The following EGFR variants were observed in gnomAD, a reference collection of about 807,000 sequenced individuals.
EGFR encodes avian erythroblastic leukemia viral (v-erb-b) oncogene homolog.
Under a neutral mutation model 143.0 loss-of-function variants are expected in EGFR, and 58 were observed. That is an observed-to-expected ratio of 0.41 (90% CI 0.33 to 0.50). The LOEUF is 0.50. Among genes scored for constraint, EGFR ranks in the 20% least tolerant of loss-of-function variants. The pLI is 0.39. For missense variants in EGFR, 1,307 were observed against 1,579.0 expected (o/e 0.83, Z 2.92); for synonymous variants, 613 against 594.4 (o/e 1.03, Z -0.45).
chr7:55,117,583 T>C (rs1162726070), intron 1 of EGFR, among the ~76,000 whole-genome samples: 2 of 152,184 alleles, frequency 1.3e-5, no homozygotes, highest in African/African-American at 2.4e-5. Context: ...CCAGGGAACA[T>C]GGCCCTTTAA....
Position 55,146,637 on chromosome 7 carries a change from C to T in EGFR, c.456C>T (p.Asn152=), listed in dbSNP as rs2128929455. The T allele has an allele frequency of 6.2e-7, 1 of 1,614,108 alleles. No individual in the cohort carries two copies. ...EILHGAVRFS[N]NPALCNVESI... The stretch of plus-strand genomic sequence containing the variant: ...TGCATGGCGCCGTGCGGTTCAGCAA[C>T]AACCCTGCCCTGTGCAACGTGGAGA... Residue 152 remains asparagine (N), a synonymous_variant, in exon 4 of 28, where the codon AAC becomes AAT. Coordinates refer to ENST00000275493, the MANE Select transcript of EGFR (RefSeq NM_005228.5).
chr7:55,138,621 C>T (rs1323343362), intron 1 of EGFR, among the ~76,000 whole-genome samples: 1 of 152,144 alleles, frequency 6.6e-6, no homozygotes, highest in Non-Finnish European at 1.5e-5. Context: ...CATCCCCTAA[C>T]GTGGGTCCAG....
At chr7:55,020,547 T>C (rs553703511) in intron 1 of EGFR, among the ~76,000 whole-genome samples, 2 of 138,466 alleles carry the variant, frequency 1.4e-5, no homozygotes, top group South Asian at 4.7e-4. Context: ...AACCAAAATA[T>C]TAAACCTGTC....
At chr7:55,096,492 G>A (rs1273467573) in intron 1 of EGFR, among the ~76,000 whole-genome samples, 1 of 152,142 alleles carries the variant, frequency 6.6e-6, no homozygotes, top group Non-Finnish European at 1.5e-5. Flanking sequence ...TCAGGCGATG[G>A]GGATACGATG....
chr7:55,066,402 C>G (rs1449538171), intron 1 of EGFR, among the ~76,000 whole-genome samples: 1 of 151,406 alleles, frequency 6.6e-6, no homozygotes, highest in Non-Finnish European at 1.5e-5. Flanking sequence ...CTGGTGCAAG[C>G]AGAGGCGACA....
At chr7:55,029,787 C>A (rs1787147153) in intron 1 of EGFR, among the ~76,000 whole-genome samples, 1 of 152,102 alleles carries the variant, frequency 6.6e-6, no homozygotes, top group Non-Finnish European at 1.5e-5. Context: ...TCAGTTTCAC[C>A]TTCCATAAAA....
chr7:55,052,747 G>A lies in EGFR; in HGVS notation c.88+33382G>A, dbSNP rs181548483. ...ACAGTCAAGGAGCAAGGGCCCCGTA[G>A]GAGAGGGGAGTCAAGGGCTCCGGGT... is the stretch of plus-strand genomic sequence containing the variant. On this transcript the variant is annotated intron_variant, in intron 1 of 27. Transcript: ENST00000275493. Among the ~76,000 whole-genome samples the A allele has an allele frequency of 7.5e-3, 1,137 of 152,340 alleles. 17 individuals are homozygous for A. Among genetic ancestry groups the A allele is most frequent in the African/African-American group, 0.026 (1,071 of 41,574 alleles).
In EGFR at chr7:55,173,977, C is replaced by G. The variant is rs1220800698; in HGVS notation, c.2118C>G (p.Ile706Met). 6.2e-7 allele frequency: 1 copy of G among 1,614,254 alleles called. No individual in the cohort carries two copies. ...GEAPNQALLR[I>M]LKETEFKKIK... ...CTCCCAACCAAGCTCTCTTGAGGAT[C>G]TTGAAGGAAACTGAATTCAAAAAGA... Residue 706 changes from isoleucine to methionine, a missense_variant, in exon 18 of 28, where the codon ATC becomes ATG. Ile to Met is a conservative substitution (Grantham distance 10). Transcript: ENST00000275493.
chr7:55,084,064 T>C (rs190276606), intron 1 of EGFR, among the ~76,000 whole-genome samples: 12 of 152,320 alleles, frequency 7.9e-5, no homozygotes, highest in Non-Finnish European at 1.8e-4. Flanking sequence ...AATGCCCCTA[T>C]GAAAGATAGA....
intron 1 of EGFR, among the ~76,000 whole-genome samples, chr7:55,067,951 TG>T (rs1789603707): frequency 6.6e-6 from 1 of 151,236 alleles, no homozygotes; most frequent in Admixed American, 6.6e-5. Flanking sequence ...TGCATGTATA[TG>T]GGTATGTGTG....
intron 3 of EGFR, among the ~76,000 whole-genome samples, chr7:55,144,068 A>C (rs376354270): frequency 1.3e-5 from 2 of 152,190 alleles, no homozygotes; most frequent in South Asian, 2.1e-4. Flanking sequence ...TGGAGATAGC[A>C]GTGATTGTGC....
Position 55,171,233 on chromosome 7 carries a change from T to G in EGFR, c.1919+20T>G, listed in dbSNP as rs749830370. The G allele has an allele frequency of 1.9e-5, 31 of 1,614,098 alleles. No homozygotes were observed. Among genetic ancestry groups the G allele is most frequent in the Non-Finnish European group, 2.6e-5 (31 of 1,180,040 alleles). On this transcript the variant is annotated intron_variant, in intron 16 of 27. Coordinates refer to ENST00000275493, the MANE Select transcript of EGFR (RefSeq NM_005228.5). ...GAATGGGTAAGTGTTCACAGCTCTG[T>G]GTCACATGGACCTCGTCAAGAATGA...
intron 1 of EGFR, among the ~76,000 whole-genome samples, chr7:55,026,834 A>G (rs1786918018): frequency 6.6e-6 from 1 of 152,008 alleles, no homozygotes; most frequent in Non-Finnish European, 1.5e-5. Context: ...AGTGCCTCCC[A>G]GGTTTTAACT....
At chr7:55,088,375 G>A (rs1040833937) in intron 1 of EGFR, among the ~76,000 whole-genome samples, 7 of 152,176 alleles carry the variant, frequency 4.6e-5, no homozygotes, top group East Asian at 1.9e-4. Flanking sequence ...GAAAAAGAGC[G>A]TGGTGCGTCC....
chr7:55,019,208 C>G lies in EGFR; in HGVS notation c.-70C>G. ...CGCCTCGCCGCCAACGCCACAACCA[C>G]CGCGCACGGCCCCCTGACTCCGTCC... On this transcript the variant is annotated 5_prime_UTR_variant, in exon 1 of 28. Coordinates refer to ENST00000275493, the MANE Select transcript of EGFR (RefSeq NM_005228.5). 7.8e-7 allele frequency: 1 copy of G among 1,280,944 alleles called. No homozygotes were observed. The highest frequency in any genetic ancestry group is 2.5e-5 in the Admixed American group (1 of 40,398). 79.3% of individuals were successfully genotyped at this position (1,280,944 alleles called of 1,614,324 possible). A position where few individuals can be genotyped will look rare whatever the true frequency, so the allele number is the denominator to read the frequency against.
intron 1 of EGFR, among the ~76,000 whole-genome samples, chr7:55,041,525 G>C (rs1443326754): frequency 6.6e-6 from 1 of 152,132 alleles, no homozygotes; most frequent in Non-Finnish European, 1.5e-5. Flanking sequence ...TAAATACATT[G>C]ACTGCATGCC....
intron 2 of EGFR, among the ~76,000 whole-genome samples, chr7:55,142,864 T>C (rs1794541534): frequency 6.6e-6 from 1 of 152,246 alleles, no homozygotes; most frequent in African/African-American, 2.4e-5. Context: ...TAGGCGCTAA[T>C]GACCCCATAG....
intron 1 of EGFR, chr7:55,119,103 A>G (rs1265958157): frequency 6.6e-6 from 1 of 152,202 alleles, no homozygotes; most frequent in African/African-American, 2.4e-5. Flanking sequence ...AGGCATCATC[A>G]AGACCTTAAT....
chr7:55,047,225 C>T (rs1465612400), intron 1 of EGFR, among the ~76,000 whole-genome samples: 1 of 152,206 alleles, frequency 6.6e-6, no homozygotes, highest in Non-Finnish European at 1.5e-5. Context: ...TGATTGCAGG[C>T]CATTTGCTGC....
Sources: gnomAD v4.1 joint callset for allele counts (sites outside exome capture counted in the v4.1 genomes callset) on GRCh38, gnomAD v4.1.1 for gene constraint, MANE v1.5 for transcripts, NCBI Gene and HGNC (gene_info 2026-07-23, HGNC 2026-07-21) for gene names.